The following CHRNA4 variants were observed in gnomAD, a reference collection of about 807,000 sequenced individuals.
The protein encoded by CHRNA4 is neuronal acetylcholine receptor subunit alpha-4.
CHRNA4 carries 28 observed loss-of-function variants against 48.9 expected under a neutral mutation model. The ratio of observed to expected loss-of-function variants is 0.57; its 90% CI spans 0.42 to 0.79. The LOEUF (loss-of-function observed/expected upper bound fraction) is 0.79, where lower values mean the gene tolerates loss of function less well. Ranked by LOEUF, CHRNA4 falls within the 30% of genes least tolerant of loss-of-function variation. The probability of loss-of-function intolerance (pLI) is 0.00; values close to 1 mark genes in which losing one functional copy is unlikely to be tolerated. For missense variants in CHRNA4, 859 were observed against 898.4 expected, an observed-to-expected ratio of 0.96 and a Z score of 0.56; for synonymous variants, 425 against 402.3, an observed-to-expected ratio of 1.06 and a Z score of -0.68.
chr20:63,359,798 G>T, intron 1 of CHRNA4, 99 bp from the exon 2 acceptor site: 1 of 1,423,932 alleles, frequency 7.0e-7, no homozygotes, highest in Non-Finnish European at 9.5e-7. Flanking sequence ...TGCCCAGCAC[G>T]TCCACTTCCT....
At position 63,345,986 on chromosome 20, in the gene CHRNA4, C is replaced by T. The variant is rs1479946681; in HGVS notation, c.*752G>A. 2 of 454,082 alleles carry T rather than the reference C, an allele frequency of 4.4e-6. No homozygotes were observed. Among genetic ancestry groups the T allele is most frequent in the Non-Finnish European group, 8.8e-6 (2 of 226,764 alleles). The allele number at this position is 454,082 out of a possible 1,614,324, so 28.1% of individuals were successfully genotyped here. On this transcript the variant is annotated 3_prime_UTR_variant, in exon 6 of 6. Transcript: ENST00000370263. The surrounding 1 kb of genome is among the most constrained non-coding windows in gnomAD (Gnocchi z 5.4). ...GGAAGGCAGAGTCCTGGTCTCCAGA[C>T]TCGCTGGGGCTGGGTGTTCCTGTCC... is the stretch of plus-strand genomic sequence containing the variant.
At chr20:63,351,057 AC>A in intron 4 of CHRNA4, 30 bp from the exon 5 acceptor site, 1 of 1,596,750 alleles carries the variant, frequency 6.3e-7, no homozygotes, top group Non-Finnish European at 8.5e-7. Context: ...AGGGTGTGAG[AC>A]CCCCACATCC....
intron 4 of CHRNA4, chr20:63,351,257 C>T (rs1340745506): frequency 2.6e-6 from 1 of 392,000 alleles, no homozygotes; most frequent in Non-Finnish European, 4.7e-6. Flanking sequence ...TCCACGTCCA[C>T]GTCCACACAC....
chr20:63,358,884 C>T lies in CHRNA4; in HGVS notation c.228+664G>A, dbSNP rs566548603. On this transcript the variant is annotated intron_variant, in intron 2 of 5. Coordinates refer to ENST00000370263, the MANE Select transcript of CHRNA4 (RefSeq NM_000744.7). ...TGGGTAGGTAACCAAGCATCTCAAC[C>T]GAGCACAAGGCCGAGCCTCCCGCAG... Among the ~76,000 whole-genome samples, 32 of 152,232 alleles carry T rather than the reference C, an allele frequency of 2.1e-4. 1 individual carries two copies. Among genetic ancestry groups the T allele is most frequent in the Admixed American group, 1.0e-3 (16 of 15,300 alleles).
At position 63,343,484 on chromosome 20, in the gene CHRNA4, C is replaced by A. The variant is rs2068436865; in HGVS notation, c.*3254G>T. On this transcript the variant is annotated 3_prime_UTR_variant, in exon 6 of 6. Transcript: ENST00000370263. ...AAGCCGCCTCTGCTCCAGGGGACAC[C>A]TAACCCAGCAGTCCCACAGCAGCTG... is the stretch of plus-strand genomic sequence containing the variant. 1.1e-5 allele frequency: 5 copies of A among 454,058 alleles called. No homozygotes were observed. Among genetic ancestry groups the A allele is most frequent in the Non-Finnish European group, 2.2e-5 (5 of 226,804 alleles). The allele number at this position is 454,058 out of a possible 1,614,324, so 28.1% of individuals were successfully genotyped here. A position where few individuals can be genotyped will look rare whatever the true frequency, so the allele number is the denominator to read the frequency against.
chr20:63,350,448 G>A lies in CHRNA4; in HGVS notation c.963C>T (p.Ile321=), dbSNP rs121912261. 5.2e-5 allele frequency: 84 copies of A among 1,613,868 alleles called. No homozygotes were observed. The highest frequency in any genetic ancestry group is 3.3e-4 in the Middle Eastern group (2 of 6,082). The change falls in exon 5 of 6, where the codon ATC becomes ATT. Residue 321 remains isoleucine, a synonymous_variant. Coordinates refer to ENST00000370263, the MANE Select transcript of CHRNA4 (RefSeq NM_000744.7). ...CGTTGAGCACGAAGACCGTGATGAC[G>A]ATGGACAGGGTGACGAAGATCATGG... ...LFTMIFVTLS[I]VITVFVLNVH... is the part of the protein sequence containing the mutation.
chr20:63,358,751 C>T (rs1308814594), intron 2 of CHRNA4, among the ~76,000 whole-genome samples: 2 of 152,244 alleles, frequency 1.3e-5, no homozygotes, highest in Non-Finnish European at 2.9e-5. Context: ...GATGGTCTCA[C>T]CCCATTTGGA....
chr20:63,344,135 C>G lies in CHRNA4; in HGVS notation c.*2603G>C. On this transcript the variant is annotated 3_prime_UTR_variant, in exon 6 of 6. Coordinates refer to ENST00000370263, the MANE Select transcript of CHRNA4 (RefSeq NM_000744.7). This position sits in a 1 kb window ranked among gnomAD's most constrained non-coding sequence, Gnocchi z 4.5. Reference sequence around the variant, plus strand: ...CTGCTCACAATTAAAAACGAAGGAACAGACAGCAAGGAGCTACGGACACAC... The same window carrying G: ...CTGCTCACAATTAAAAACGAAGGAAGAGACAGCAAGGAGCTACGGACACAC... 2.2e-6 allele frequency: 1 copy of G among 454,092 alleles called. No individual in the cohort carries two copies. Among genetic ancestry groups the G allele is most frequent in the Non-Finnish European group, 4.4e-6 (1 of 226,792 alleles). 28.1% of individuals were successfully genotyped at this position (454,092 alleles called of 1,614,324 possible).
At chr20:63,351,855 T>TCCCAGC (rs981474238) in intron 4 of CHRNA4, among the ~76,000 whole-genome samples, 8 of 152,282 alleles carry the variant, frequency 5.3e-5, no homozygotes, top group African/African-American at 1.9e-4. Flanking sequence ...TAGGCAGAGC[T>TCCCAGC]CCCAGCCCCA....
At position 63,344,517 on chromosome 20, in the gene CHRNA4, G is replaced by A; in HGVS notation, c.*2221C>T. 2.2e-6 allele frequency: 1 copy of A among 453,312 alleles called. No homozygotes were observed. Among genetic ancestry groups the A allele is most frequent in the Non-Finnish European group, 4.4e-6 (1 of 226,566 alleles). The allele number at this position is 453,312 out of a possible 1,614,324, so 28.1% of individuals were successfully genotyped here. A position where few individuals can be genotyped will look rare whatever the true frequency, so the allele number is the denominator to read the frequency against. On this transcript the variant is annotated 3_prime_UTR_variant, in exon 6 of 6. Coordinates refer to ENST00000370263, the MANE Select transcript of CHRNA4 (RefSeq NM_000744.7). The surrounding 1 kb of genome is among the most constrained non-coding windows in gnomAD (Gnocchi z 4.5). ...CTCAAAAAAAAAAAGAAAGGGAAAG[G>A]GGTCTTCCCCCAGGCAAGCGGCCAC...
chr20:63,350,457 G>A lies in CHRNA4; in HGVS notation c.954C>T (p.Thr318=), dbSNP rs1452503572. ...EYLLFTMIFV[T]LSIVITVFVL... is the part of the protein sequence containing the mutation. ...CGAAGACCGTGATGACGATGGACAG[G>A]GTGACGAAGATCATGGTGAACAGCA... Residue 318 remains threonine (T), a synonymous_variant, in exon 5 of 6, where the codon ACC becomes ACT. Coordinates refer to ENST00000370263, the MANE Select transcript of CHRNA4 (RefSeq NM_000744.7). The A allele has an allele frequency of 6.8e-6, 11 of 1,613,956 alleles. No homozygotes were observed. The highest frequency in any genetic ancestry group is 9.3e-6 in the Non-Finnish European group (11 of 1,180,026).
chr20:63,356,730 G>T, intron 2 of CHRNA4: 4 of 492,590 alleles, frequency 8.1e-6, no homozygotes, highest in Non-Finnish European at 1.5e-5. Flanking sequence ...CTGCCCACCT[G>T]CCTTGCTCCC....
rs144716263 is a variant in CHRNA4 at position 63,350,822 on chromosome 20, G to A, written c.589C>T (p.Arg197Cys). Residue 197 changes from arginine (R) to cysteine (C), a missense_variant, in exon 5 of 6, where the codon CGC (arginine) becomes TGC (cysteine). By Grantham distance (180) the Arg-to-Cys change is radical. Around this residue, in one of 3 missense-constraint regions of CHRNA4, gnomAD observed 342 missense variants for 365.3 expected, o/e 0.94. Transcript: ENST00000370263. ...AKIDLVNMHSRVDQLDFWESG... is the reference protein window; with the variant it reads ...AKIDLVNMHSCVDQLDFWESG... ...TCCCAGAAGTCCAGCTGGTCCACGC[G>A]GCTGTGCATGTTCACCAGGTCGATC... is the stretch of plus-strand genomic sequence containing the variant. 69 of 1,613,944 alleles carry A rather than the reference G, an allele frequency of 4.3e-5. No individual in the cohort carries two copies. The highest frequency in any genetic ancestry group is 2.4e-4 in the African/African-American group (18 of 74,998).
In CHRNA4 at chr20:63,345,324, C is replaced by T. The variant is rs1004331052; in HGVS notation, c.*1414G>A. ...ACTCAGCAGGAGGCTTCCTGACTGT[C>T]TCCTCCTGAACCGATGTCACTCACA... is the stretch of plus-strand genomic sequence containing the variant. On this transcript the variant is annotated 3_prime_UTR_variant, in exon 6 of 6. Transcript: ENST00000370263. This position sits in a 1 kb window ranked among gnomAD's most constrained non-coding sequence, Gnocchi z 5.4. The T allele has an allele frequency of 6.6e-6, 3 of 453,394 alleles. No individual in the cohort carries two copies. The Admixed American group carries it at 7.1e-5, about 11-fold the overall frequency. The allele number at this position is 453,394 out of a possible 1,614,324, so 28.1% of individuals were successfully genotyped here. A position where few individuals can be genotyped will look rare whatever the true frequency, so the allele number is the denominator to read the frequency against.
rs183345681 is a variant in CHRNA4 at position 63,361,348 on chromosome 20, G to A, written c.-183C>T. 0.22 allele frequency: 241,911 copies of A among 1,075,666 alleles called. 29,143 individuals carry two copies. Among genetic ancestry groups the A allele is most frequent in the East Asian group, 0.58 (10,527 of 18,230 alleles). The allele number at this position is 1,075,666 out of a possible 1,614,324, so 66.6% of individuals were successfully genotyped here. A position where few individuals can be genotyped will look rare whatever the true frequency, so the allele number is the denominator to read the frequency against. ...CGCGGCAGGGAGCGCCGGGCTGTGGGCTCCGTGGCGCGGCCCCGCCCGGCC... is the reference window on the plus strand; with the variant it reads ...CGCGGCAGGGAGCGCCGGGCTGTGGACTCCGTGGCGCGGCCCCGCCCGGCC... On this transcript the variant is annotated 5_prime_UTR_variant, in exon 1 of 6. Transcript: ENST00000370263.
Position 63,351,041 on chromosome 20 carries a change from G to T in CHRNA4, c.384-14C>A, listed in dbSNP as rs202150684. On this transcript the variant is annotated splice_polypyrimidine_tract_variant and intron_variant, in intron 4 of 5. Coordinates refer to ENST00000370263, the MANE Select transcript of CHRNA4 (RefSeq NM_000744.7). ...TCCCCGTCAGCACTGGGCAGGAAGA[G>T]AGCGAAGGGTGTGAGACCCCCACAT... 1 of 1,609,528 alleles carries T rather than the reference G, an allele frequency of 6.2e-7. No individual in the cohort carries two copies. The highest frequency in any genetic ancestry group is 1.1e-5 in the South Asian group (1 of 90,854).
At chr20:63,354,671 T>C (rs2068691389) in intron 4 of CHRNA4, 1 of 951,260 alleles carries the variant, frequency 1.1e-6, no homozygotes, top group South Asian at 4.9e-5. Flanking sequence ...GCTTCGTTCC[T>C]GGGGGCTGCA....
In CHRNA4 at chr20:63,345,973, C is replaced by T. The variant is rs202098837; in HGVS notation, c.*765G>A. The T allele has an allele frequency of 3.5e-5, 16 of 453,986 alleles. No homozygotes were observed. The highest frequency in any genetic ancestry group is 3.2e-4 in the African/African-American group (16 of 50,014). The allele number at this position is 453,986 out of a possible 1,614,324, so 28.1% of individuals were successfully genotyped here. A position where few individuals can be genotyped will look rare whatever the true frequency, so the allele number is the denominator to read the frequency against. ...TGGCCCTACGCCTGGAAGGCAGAGTCCTGGTCTCCAGACTCGCTGGGGCTG... is the reference window on the plus strand; with the variant it reads ...TGGCCCTACGCCTGGAAGGCAGAGTTCTGGTCTCCAGACTCGCTGGGGCTG... On this transcript the variant is annotated 3_prime_UTR_variant, in exon 6 of 6. Coordinates refer to ENST00000370263, the MANE Select transcript of CHRNA4 (RefSeq NM_000744.7). The surrounding 1 kb of genome is among the most constrained non-coding windows in gnomAD (Gnocchi z 5.4).
chr20:63,358,646 G>A (rs1394614667), intron 2 of CHRNA4, among the ~76,000 whole-genome samples: 3 of 152,176 alleles, frequency 2.0e-5, no homozygotes, highest in Non-Finnish European at 4.4e-5. Context: ...CTCGCAAGTG[G>A]GCCAGCTCCC....
Sources: allele counts gnomAD v4.1 joint callset (sites outside exome capture counted in the v4.1 genomes callset), GRCh38; gene constraint gnomAD v4.1.1; regional missense constraint gnomAD v4.1.1; non-coding constraint Gnocchi (gnomAD v3.1); transcripts MANE v1.5; gene names NCBI Gene and HGNC (gene_info 2026-07-23, HGNC 2026-07-21).